NUP155: variants seen among roughly 807,000 people sequenced by gnomAD.
NUP155 encodes nuclear pore complex protein Nup155.
In NUP155, 71 loss-of-function variants were observed where a neutral mutation model predicts 180.4. The observed-to-expected ratio is 0.39, with a 90% CI of 0.33 to 0.48. The LOEUF (loss-of-function observed/expected upper bound fraction) is 0.48, where lower values mean the gene tolerates loss of function less well. Among genes scored for constraint, NUP155 ranks in the 20% least tolerant of loss-of-function variants. NUP155 has a pLI of 0.91. For synonymous variants in NUP155, 582 were observed against 559.5 expected (o/e 1.04, Z -0.57); for missense variants, 1,553 against 1,648.9 (o/e 0.94, Z 1.01).
intron 21 of NUP155, 102 bp downstream of exon 21, chr5:37,317,886 T>A (rs553733898): frequency 1.5e-5 from 12 of 786,154 alleles, no homozygotes; most frequent in Non-Finnish European, 2.8e-5. Flanking sequence ...CAAATATTTG[T>A]GTACAAAGTA....
At chr5:37,364,879 G>C (rs1002987191) in intron 1 of NUP155, among the ~76,000 whole-genome samples, 1 of 151,596 alleles carries the variant, frequency 6.6e-6, no homozygotes, top group Non-Finnish European at 1.5e-5. Context: ...CTCATGATCC[G>C]CCCGCCTCGG....
intron 1 of NUP155, among the ~76,000 whole-genome samples, chr5:37,364,990 G>A (rs1316640105): frequency 1.3e-5 from 2 of 151,826 alleles, no homozygotes; most frequent in Non-Finnish European, 2.9e-5. Context: ...GTGGCTGGGC[G>A]CAGTGGCTCA....
At chr5:37,368,965 G>C (rs1249046478) in intron 1 of NUP155, among the ~76,000 whole-genome samples, 3 of 152,308 alleles carry the variant, frequency 2.0e-5, no homozygotes, top group Admixed American at 1.3e-4. Context: ...TGCTACGAAA[G>C]ACTTCAGGCC....
chr5:37,331,716 T>C lies in NUP155; in HGVS notation c.1598A>G (p.Glu533Gly). Residue 533 changes from glutamate (E) to glycine (G), a missense_variant, in exon 14 of 35, where the codon GAA becomes GGA. By Grantham distance (98) the Glu-to-Gly change is moderately conservative. Transcript: ENST00000231498. ...LLVSNVGGDG[E>G]EIERFFKLHQ... ...TAATTTAAAGAATCTTTCAATCTCT[T>C]CTCCATCTCCTCCCACATTACTCAC... The C allele has an allele frequency of 6.2e-7, 1 of 1,607,640 alleles. No individual in the cohort carries two copies. The highest frequency in any genetic ancestry group is 1.3e-5 in the African/African-American group (1 of 74,954).
At chr5:37,313,265 T>C (rs1743638622) in intron 22 of NUP155, among the ~76,000 whole-genome samples, 2 of 151,748 alleles carry the variant, frequency 1.3e-5, no homozygotes, top group East Asian at 1.9e-4. Flanking sequence ...ACCCCGTCTC[T>C]ACTAAAATAC....
chr5:37,352,523 A>G (rs1263862004), intron 5 of NUP155, among the ~76,000 whole-genome samples: 1 of 152,098 alleles, frequency 6.6e-6, no homozygotes, highest in African/African-American at 2.4e-5. Flanking sequence ...GGGCAACAAG[A>G]GCGAAAATCC....
chr5:37,290,727 AGCAGTATCCTTTACT>A lies in NUP155; in HGVS notation c.*1158_*1172del. On this transcript the variant is annotated 3_prime_UTR_variant, in exon 35 of 35. Transcript: ENST00000231498. ...GCTCAGTCCATAAACTATGGAAGGT[AGCAGTATCCTTTACT>A]GCAGTGGCTTTCAAATTTGACATGC... is the stretch of plus-strand genomic sequence containing the variant. 1 of 152,140 alleles carries A rather than the reference AGCAGTATCCTTTACT, an allele frequency of 6.6e-6. No individual in the cohort carries two copies. The highest frequency in any genetic ancestry group is 6.6e-5 in the Admixed American group (1 of 15,260). The allele number at this position is 152,140 out of a possible 1,614,324, so 9.4% of individuals were successfully genotyped here.
At chr5:37,305,949 A>ATT (rs1214169468) in intron 25 of NUP155, among the ~76,000 whole-genome samples, 2 of 152,130 alleles carry the variant, frequency 1.3e-5, no homozygotes, top group Non-Finnish European at 2.9e-5. Context: ...TACCTTACCT[A>ATT]AGTATATACA....
At position 37,291,879 on chromosome 5, in the gene NUP155, G is replaced by C; in HGVS notation, c.*21C>G. On this transcript the variant is annotated 3_prime_UTR_variant, in exon 35 of 35. Coordinates refer to ENST00000231498, the MANE Select transcript of NUP155 (RefSeq NM_153485.3). ...TTTTTATTTTACAGATCATAAAACG[G>C]ATGAAAGTATATCACAGTAATTAAT... The C allele has an allele frequency of 6.2e-7, 1 of 1,611,044 alleles. No homozygotes were observed. The highest frequency in any genetic ancestry group is 8.5e-7 in the Non-Finnish European group (1 of 1,177,396).
chr5:37,305,712 G>A (rs1024349691), intron 25 of NUP155, among the ~76,000 whole-genome samples: 4 of 151,102 alleles, frequency 2.6e-5, no homozygotes, highest in Non-Finnish European at 4.4e-5. Flanking sequence ...AAAACAAAAC[G>A]AAACAAAAAA....
chr5:37,296,554 G>C (rs1742587658), intron 32 of NUP155, among the ~76,000 whole-genome samples: 1 of 147,304 alleles, frequency 6.8e-6, no homozygotes, highest in African/African-American at 2.5e-5. Flanking sequence ...CGCTGCGGAA[G>C]GCAGCCGCAG....
intron 5 of NUP155, 87 bp from the exon 6 acceptor site, chr5:37,351,443 T>C: frequency 6.0e-6 from 6 of 998,082 alleles, no homozygotes; most frequent in Non-Finnish European, 7.7e-6. Flanking sequence ...TCTATATGTT[T>C]ACTCAATTCT....
At chr5:37,294,174 GT>G (rs961765016) in intron 33 of NUP155, among the ~76,000 whole-genome samples, 154 bp downstream of exon 33, 1 of 151,940 alleles carries the variant, frequency 6.6e-6, no homozygotes, top group Non-Finnish European at 1.5e-5. Context: ...CTCATTATCA[GT>G]TTAAAAAGTC....
In NUP155 at chr5:37,288,779, T is replaced by TGGGGGGGGGA. The variant is rs1303278690; in HGVS notation, c.*3120_*3121insTCCCCCCCCC. On this transcript the variant is annotated 3_prime_UTR_variant, in exon 35 of 35. Coordinates refer to ENST00000231498, the MANE Select transcript of NUP155 (RefSeq NM_153485.3). ...AAAAAAAAAAAAAAAGTAGGGGGGG[T>TGGGGGGGGGA]GGGGCTAGGCGCAGTGGCTCATGCC... 1 of 45,688 alleles carries TGGGGGGGGGA rather than the reference T, an allele frequency of 2.2e-5. No homozygotes were observed. The highest frequency in any genetic ancestry group is 6.6e-5 in the African/African-American group (1 of 15,158). The allele number at this position is 45,688 out of a possible 1,614,324, so 2.8% of individuals were successfully genotyped here.
chr5:37,350,306 A>T, intron 6 of NUP155, 41 bp from the exon 7 acceptor site: 1 of 1,333,222 alleles, frequency 7.5e-7, no homozygotes, highest in Non-Finnish European at 1.1e-6. Context: ...AAAAGTATGT[A>T]ACTCCCTTAC....
chr5:37,302,116 T>C (rs1270282967), intron 29 of NUP155, among the ~76,000 whole-genome samples: 1 of 152,200 alleles, frequency 6.6e-6, no homozygotes, highest in African/African-American at 2.4e-5. Context: ...TTGATTCTCT[T>C]AGTTAGGGAA....
chr5:37,292,687 G>A (rs985244408), intron 34 of NUP155, among the ~76,000 whole-genome samples, 192 bp downstream of exon 34: 1 of 152,148 alleles, frequency 6.6e-6, no homozygotes, highest in Non-Finnish European at 1.5e-5. Flanking sequence ...ATGTTCAGCT[G>A]TAGAAAGGAT....
At chr5:37,307,549 C>T (rs774156874) in intron 24 of NUP155, 117 bp from the exon 25 acceptor site, 13 of 955,776 alleles carry the variant, frequency 1.4e-5, no homozygotes, top group Non-Finnish European at 1.8e-5. Flanking sequence ...CAATAGTCAC[C>T]CTGCTAACAT....
Position 37,301,659 on chromosome 5 carries a change from A to C in NUP155, c.3448-109T>G, listed in dbSNP as rs181716439. ...TTTAAGTTTGCTAAAATAATGTATAAATGAAGATTTCTATCATAATAGGCT... is the reference window on the plus strand; with the variant it reads ...TTTAAGTTTGCTAAAATAATGTATACATGAAGATTTCTATCATAATAGGCT... On this transcript the variant is annotated intron_variant, in intron 29 of 34. Coordinates refer to ENST00000231498, the MANE Select transcript of NUP155 (RefSeq NM_153485.3). 1.3e-4 allele frequency: 97 copies of C among 738,322 alleles called. No individual in the cohort carries two copies. The East Asian group carries it at 2.2e-3, about 17-fold the overall frequency. The allele number at this position is 738,322 out of a possible 1,614,324, so 45.7% of individuals were successfully genotyped here.
Sources: gnomAD v4.1 joint callset for allele counts (sites outside exome capture counted in the v4.1 genomes callset) on GRCh38, gnomAD v4.1.1 for gene constraint, MANE v1.5 for transcripts, NCBI Gene and HGNC (gene_info 2026-07-23, HGNC 2026-07-21) for gene names.